The following RALYL variants were observed in gnomAD, a reference collection of about 807,000 sequenced individuals.
RALYL encodes the protein RALY RNA binding protein like, also known as RNA-binding Raly-like protein.
A neutral mutation model predicts 35.1 loss-of-function variants in RALYL; 29 were observed. That is an observed-to-expected ratio of 0.83 (90% CI 0.61 to 1.13). The LOEUF (loss-of-function observed/expected upper bound fraction) is 1.13. Ranked by LOEUF, RALYL falls within the 50% of genes most tolerant of loss-of-function variation. The pLI, the probability that RALYL is intolerant of heterozygous loss-of-function variation, is 0.00. For synonymous variants in RALYL, 120 were observed against 127.6 expected (o/e 0.94, Z 0.40); for missense variants, 359 against 360.4 (o/e 1.00, Z 0.03).
At chr8:84,528,924 A>G (rs1285899962) in intron 1 of RALYL, among the ~76,000 whole-genome samples, 3 of 152,280 alleles carry the variant, frequency 2.0e-5, no homozygotes, top group East Asian at 3.9e-4. Flanking sequence ...TATTACATCT[A>G]TCATCAGACC....
chr8:84,828,724 C>A, intron 4 of RALYL: 1 of 176,142 alleles, frequency 5.7e-6, no homozygotes, highest in South Asian at 1.6e-4. Flanking sequence ...TAACAATTTG[C>A]CAAGCTGTCT....
At chr8:84,227,531 G>T (rs1296527520) in intron 1 of RALYL, among the ~76,000 whole-genome samples, 2 of 152,022 alleles carry the variant, frequency 1.3e-5, no homozygotes, top group Non-Finnish European at 2.9e-5. Flanking sequence ...ACAAAAAATT[G>T]TACATTCAAT....
chr8:84,436,685 A>T (rs574537484), intron 1 of RALYL, among the ~76,000 whole-genome samples: 1 of 151,034 alleles, frequency 6.6e-6, no homozygotes, highest in African/African-American at 2.4e-5. Context: ...ATATAAAAAC[A>T]GCATACATAT....
chr8:84,371,469 A>G (rs945523283), intron 1 of RALYL, among the ~76,000 whole-genome samples: 9 of 151,970 alleles, frequency 5.9e-5, no homozygotes, highest in African/African-American at 2.2e-4. Context: ...GTAACATCAT[A>G]GATAAAATGA....
At chr8:84,805,807 C>T (rs1468071290) in intron 4 of RALYL, among the ~76,000 whole-genome samples, 3 of 152,132 alleles carry the variant, frequency 2.0e-5, no homozygotes, top group African/African-American at 7.2e-5. Context: ...ATCAAATACT[C>T]CTTTGACTAA....
intron 2 of RALYL, among the ~76,000 whole-genome samples, chr8:84,571,871 A>G (rs1451548635): frequency 1.3e-5 from 2 of 151,822 alleles, no homozygotes; most frequent in East Asian, 3.9e-4. Context: ...TTATTTACCC[A>G]AAAGCCATTC....
chr8:84,228,670 A>G (rs1482866746), intron 1 of RALYL, among the ~76,000 whole-genome samples: 2 of 152,194 alleles, frequency 1.3e-5, no homozygotes, highest in Non-Finnish European at 2.9e-5. Flanking sequence ...TCATAATGCT[A>G]TGAAGAAATA....
chr8:84,278,266 CG>C (rs1563656997), intron 1 of RALYL, among the ~76,000 whole-genome samples: 1 of 152,234 alleles, frequency 6.6e-6, no homozygotes, highest in African/African-American at 2.4e-5. Context: ...AGCTGTACAT[CG>C]GCCCCTTTTA....
chr8:84,232,709 AAG>A (rs1825641909), intron 1 of RALYL, among the ~76,000 whole-genome samples: 1 of 152,292 alleles, frequency 6.6e-6, no homozygotes, highest in East Asian at 1.9e-4. Context: ...TGTTGTTTTG[AAG>A]AGAGACGGTA....
chr8:84,735,590 C>T lies in RALYL; in HGVS notation c.257-38989C>T, dbSNP rs931097700. Among the ~76,000 whole-genome samples, 8 of 152,034 alleles carry T rather than the reference C, an allele frequency of 5.3e-5. No individual in the cohort carries two copies. In the East Asian group the frequency reaches 7.8e-4, roughly 15 times the overall value. On this transcript the variant is annotated intron_variant, in intron 2 of 8. Coordinates refer to ENST00000521268, the MANE Select transcript of RALYL (RefSeq NM_173848.7). ...CTAACCTAGTTTTAGACAAATGTTC[C>T]ATTTCCTTTCTTAGGCTGGTCTGCT...
chr8:84,688,059 T>C (rs1471193448), intron 2 of RALYL, among the ~76,000 whole-genome samples: 3 of 152,000 alleles, frequency 2.0e-5, no homozygotes, highest in African/African-American at 7.2e-5. Context: ...AAGTATTTCA[T>C]TTATTTAATT....
At chr8:84,226,320 A>G (rs961868315) in intron 1 of RALYL, among the ~76,000 whole-genome samples, 6 of 152,206 alleles carry the variant, frequency 3.9e-5, no homozygotes, top group Admixed American at 2.6e-4. Context: ...GTCTTTCACA[A>G]AATTGGTCCC....
At chr8:84,261,690 A>G (rs1006789158) in intron 1 of RALYL, among the ~76,000 whole-genome samples, 1 of 152,180 alleles carries the variant, frequency 6.6e-6, no homozygotes, top group African/African-American at 2.4e-5. Context: ...GGCTTTCAAT[A>G]TGAATCCAAA....
At chr8:84,371,539 T>TCACACACACA (rs5892914) in intron 1 of RALYL, among the ~76,000 whole-genome samples, 3,799 of 144,106 alleles carry the variant, frequency 0.026, 80 homozygotes, top group Non-Finnish European at 0.026. Flanking sequence ...TTTATGATTA[T>TCACACACACA]CACACACACA....
chr8:84,386,418 ATTG>A (rs1424366180), intron 1 of RALYL, among the ~76,000 whole-genome samples: 2 of 151,910 alleles, frequency 1.3e-5, no homozygotes, highest in Non-Finnish European at 2.9e-5. Flanking sequence ...TGGTAATATA[ATTG>A]TTAATTTTAA....
chr8:84,920,673 TA>T (rs139905313), intron 8 of RALYL, among the ~76,000 whole-genome samples: 5 of 151,908 alleles, frequency 3.3e-5, no homozygotes, highest in Non-Finnish European at 7.4e-5. Flanking sequence ...TTAGCTGGAT[TA>T]AAAAAAATCG....
intron 1 of RALYL, among the ~76,000 whole-genome samples, chr8:84,480,907 T>G (rs183683779): frequency 1.8e-4 from 27 of 152,230 alleles, no homozygotes; most frequent in Admixed American, 3.9e-4. Flanking sequence ...AATAGAGATA[T>G]TCAGAGAAAA....
intron 2 of RALYL, among the ~76,000 whole-genome samples, chr8:84,636,929 A>G (rs1320377293): frequency 2.3e-4 from 35 of 151,850 alleles, no homozygotes. Context: ...ACCTAAATGG[A>G]ATAGCTGTTT....
chr8:84,436,598 T>G (rs1282260994), intron 1 of RALYL, among the ~76,000 whole-genome samples: 1 of 138,362 alleles, frequency 7.2e-6, no homozygotes, highest in Non-Finnish European at 1.5e-5. Flanking sequence ...TATTTATTGT[T>G]TGGGAAGACA....
Sources: allele counts gnomAD v4.1 joint callset (sites outside exome capture counted in the v4.1 genomes callset), GRCh38; gene constraint gnomAD v4.1.1; transcripts MANE v1.5; gene names NCBI Gene and HGNC (gene_info 2026-07-23, HGNC 2026-07-21).